Variants in SLC12A7 observed in about 807,000 individuals in gnomAD.
SLC12A7 encodes K-Cl cotransporter 4.
SLC12A7 carries 100 observed loss-of-function variants against 120.6 expected under a neutral mutation model. The ratio of observed to expected loss-of-function variants is 0.83; its 90% CI spans 0.71 to 0.98. The LOEUF (loss-of-function observed/expected upper bound fraction) is 0.98. Ranked by LOEUF, SLC12A7 falls within the 50% of genes least tolerant of loss-of-function variation. The pLI is 0.00. For missense variants in SLC12A7, 1,373 were observed against 1,548.1 expected, an observed-to-expected ratio of 0.89 and a Z score of 1.90; for synonymous variants, 760 against 678.0, an observed-to-expected ratio of 1.12 and a Z score of -1.88.
At position 1,073,709 on chromosome 5, in the gene SLC12A7, T is replaced by C. The variant is rs778952941; in HGVS notation, c.2165A>G (p.Lys722Arg). ...LSFTSQLKAG[K>R]GLTIVGSVLE... Reference sequence around the variant, plus strand: ...CACCGAGCCCACGATGGTCAGGCCCTTGCCGGCCTTCAGCTGCGACGTGAA... The same window carrying C: ...CACCGAGCCCACGATGGTCAGGCCCCTGCCGGCCTTCAGCTGCGACGTGAA... The change falls in exon 17 of 24, where the codon AAG becomes AGG. Residue 722 changes from lysine (K) to arginine (R), a missense_variant. Physicochemically the swap from Lys to Arg is conservative, Grantham distance 26. Coordinates refer to ENST00000264930, the MANE Select transcript of SLC12A7 (RefSeq NM_006598.3). 5.7e-6 allele frequency: 9 copies of C among 1,581,662 alleles called. No homozygotes were observed. Among genetic ancestry groups the C allele is most frequent in the Non-Finnish European group, 6.0e-6 (7 of 1,161,984 alleles).
chr5:1,149,544 T>C, the SLC12A7 span, among the ~76,000 whole-genome samples: 2 of 152,190 alleles, frequency 1.3e-5, no homozygotes, highest in South Asian at 2.1e-4. Context: ...GCCACTGCAC[T>C]GCGGCCTGGG....
At chr5:1,075,099 C>T (rs1222628517) in intron 15 of SLC12A7, among the ~76,000 whole-genome samples, 1 of 152,206 alleles carries the variant, frequency 6.6e-6, no homozygotes, top group South Asian at 2.1e-4. Flanking sequence ...AATAGTCAGC[C>T]GTGGGCTCAC....
At chr5:1,142,836 C>T in the SLC12A7 span, among the ~76,000 whole-genome samples, 32 of 151,670 alleles carry the variant, frequency 2.1e-4, no homozygotes, top group African/African-American at 7.0e-4. Flanking sequence ...CAAACTCACT[C>T]AGAGCCCCTG....
At chr5:1,155,821 G>T in the SLC12A7 span, among the ~76,000 whole-genome samples, 1 of 151,238 alleles carries the variant, frequency 6.6e-6, no homozygotes, top group African/African-American at 2.4e-5. Flanking sequence ...TTGGCCCCGG[G>T]CCCCGCACCC....
rs1467075320 is a variant in SLC12A7, at chr5:1,074,613, C to A, written c.2026G>T (p.Ala676Ser). The change falls in exon 16 of 24, where the codon GCC (alanine) becomes TCC (serine). Residue 676 changes from alanine (A) to serine (S), a missense_variant. Ala to Ser is a moderately conservative substitution (Grantham distance 99). Coordinates refer to ENST00000264930, the MANE Select transcript of SLC12A7 (RefSeq NM_006598.3). The stretch of plus-strand genomic sequence containing the variant: ...GGACCGTGCTCCACGCGCAGCAGGG[C>A]GTAGCGGGCGGCGTTCAGGGATAGG... ...RGLSLNAARY[A>S]LLRVEHGPPH... 1 of 1,612,698 alleles carries A rather than the reference C, an allele frequency of 6.2e-7. No homozygotes were observed. Among genetic ancestry groups the A allele is most frequent in the African/African-American group, 1.3e-5 (1 of 74,928 alleles).
chr5:1,055,567 T>C (rs541525799), intron 22 of SLC12A7, among the ~76,000 whole-genome samples: 52 of 152,160 alleles, frequency 3.4e-4, no homozygotes, highest in African/African-American at 1.3e-3. Context: ...ACGCCACACA[T>C]GAATACAAAG....
At chr5:1,078,300 C>T (rs1309710128) in intron 11 of SLC12A7, among the ~76,000 whole-genome samples, 1 of 152,058 alleles carries the variant, frequency 6.6e-6, no homozygotes, top group Non-Finnish European at 1.5e-5. Context: ...CCACCCAGGA[C>T]CCCCGGGGCC....
intron 1 of SLC12A7, among the ~76,000 whole-genome samples, chr5:1,094,558 G>A (rs111568088): frequency 4.6e-5 from 7 of 152,292 alleles, no homozygotes; most frequent in African/African-American, 7.2e-5. Context: ...CAGGGCATAC[G>A]CTATCCCCCA....
rs752080747 is a variant in SLC12A7 at position 1,074,739 on chromosome 5, G to T, written c.1968-68C>A. On this transcript the variant is annotated intron_variant, in intron 15 of 23. Transcript: ENST00000264930. ...AGGCTCCTCTCCCACCTGGGAAAGG[G>T]GACTTCTGGGGGCAGGTGAGTTGGG... 2.8e-6 allele frequency: 4 copies of T among 1,429,580 alleles called. No individual in the cohort carries two copies. The Admixed American group carries it at 7.3e-5, about 26-fold the overall frequency. The allele number at this position is 1,429,580 out of a possible 1,614,324, so 88.6% of individuals were successfully genotyped here.
At chr5:1,067,713 A>G (rs1209227717) in intron 17 of SLC12A7, among the ~76,000 whole-genome samples, 3 of 152,154 alleles carry the variant, frequency 2.0e-5, no homozygotes, top group Non-Finnish European at 4.4e-5. Context: ...TTCTGGCCTC[A>G]CTGTTGGGAA....
At chr5:1,141,999 C>A in the SLC12A7 span, among the ~76,000 whole-genome samples, 1 of 152,136 alleles carries the variant, frequency 6.6e-6, no homozygotes, top group Non-Finnish European at 1.5e-5. Context: ...ACCCCTCTTC[C>A]CTGCAGCCCT....
upstream of SLC12A7, among the ~76,000 whole-genome samples, chr5:1,114,247 G>A (rs1743226069): frequency 6.6e-6 from 1 of 152,260 alleles, no homozygotes; most frequent in Non-Finnish European, 1.5e-5. Context: ...GCCCTGCCAG[G>A]CAGAAGGCAG....
chr5:1,146,459 C>A, the SLC12A7 span, among the ~76,000 whole-genome samples: 5,612 of 152,218 alleles, frequency 0.037, 350 homozygotes, highest in African/African-American at 0.13. The surrounding 1 kb of genome is among the most constrained non-coding windows in gnomAD (Gnocchi z 6.5). Flanking sequence ...GCCATCTCTG[C>A]AGTGTAAACA....
chr5:1,077,859 G>T lies in SLC12A7; in HGVS notation c.1603C>A (p.Arg535Ser). The change falls in exon 12 of 24, where the codon CGT (arginine) becomes AGT (serine). Residue 535 changes from arginine to serine, a missense_variant. Transcript: ENST00000264930. The part of the protein sequence containing the change: ...GAPRLLQAIA[R>S]DGIVPFLQVF... ...TGCAGGAAGGGGACGATGCCGTCACGGGCAATGGCCTGCAGTAGGCGCGGT... is the reference window on the plus strand; with the variant it reads ...TGCAGGAAGGGGACGATGCCGTCACTGGCAATGGCCTGCAGTAGGCGCGGT... 6.3e-7 allele frequency: 1 copy of T among 1,593,880 alleles called. No individual in the cohort carries two copies. The highest frequency in any genetic ancestry group is 8.5e-7 in the Non-Finnish European group (1 of 1,170,998).
intron 21 of SLC12A7, among the ~76,000 whole-genome samples, chr5:1,058,811 G>T (rs1735890414): frequency 2.0e-5 from 3 of 152,218 alleles, no homozygotes; most frequent in Admixed American, 2.0e-4. Flanking sequence ...GGCAGAGCCA[G>T]CGCCGCCCAC....
At chr5:1,120,681 C>T in the SLC12A7 span, among the ~76,000 whole-genome samples, 1 of 152,250 alleles carries the variant, frequency 6.6e-6, no homozygotes, top group African/African-American at 2.4e-5. Flanking sequence ...TTCCCATCAG[C>T]AGGGCAGTGG....
Position 1,078,149 on chromosome 5 carries a change from T to C in SLC12A7, c.1455-142A>G, listed in dbSNP as rs535279412. 3 of 1,053,006 alleles carry C rather than the reference T, an allele frequency of 2.8e-6. No individual in the cohort carries two copies. The South Asian group carries it at 5.1e-5, about 18-fold the overall frequency. 65.2% of individuals were successfully genotyped at this position (1,053,006 alleles called of 1,614,324 possible). A position where few individuals can be genotyped will look rare whatever the true frequency, so the allele number is the denominator to read the frequency against. ...GCTGAGGCCCGGCCTCCAGTCCCCG[T>C]TGGCTGAAACCTCCACCAGGCTCTG... On this transcript the variant is annotated intron_variant, in intron 11 of 23. Coordinates refer to ENST00000264930, the MANE Select transcript of SLC12A7 (RefSeq NM_006598.3).
chr5:1,051,956 C>G lies in SLC12A7; in HGVS notation c.*404G>C, dbSNP rs772557247. 1.5e-5 allele frequency: 3 copies of G among 204,398 alleles called. No homozygotes were observed. The South Asian group carries it at 3.0e-4, about 21-fold the overall frequency. 12.7% of individuals were successfully genotyped at this position (204,398 alleles called of 1,614,324 possible). On this transcript the variant is annotated 3_prime_UTR_variant, in exon 24 of 24. Coordinates refer to ENST00000264930, the MANE Select transcript of SLC12A7 (RefSeq NM_006598.3). ...TCATCATCAGGGACAGCTTCAGCTCCGGGTGCTCTTCCAAGAATGTTCTGG... is the reference window on the plus strand; with the variant it reads ...TCATCATCAGGGACAGCTTCAGCTCGGGGTGCTCTTCCAAGAATGTTCTGG...
intron 23 of SLC12A7, among the ~76,000 whole-genome samples, 171 bp downstream of exon 23, chr5:1,053,178 G>T (rs1162566323): frequency 6.6e-6 from 1 of 152,170 alleles, no homozygotes; most frequent in African/African-American, 2.4e-5. Context: ...CTCTGGCCCG[G>T]TCACCACTGG....
Sources: allele counts gnomAD v4.1 joint callset (sites outside exome capture counted in the v4.1 genomes callset), GRCh38; gene constraint gnomAD v4.1.1; non-coding constraint Gnocchi (gnomAD v3.1); transcripts MANE v1.5; gene names NCBI Gene and HGNC (gene_info 2026-07-23, HGNC 2026-07-21).